The following RAD51B variants were observed in gnomAD, a reference collection of about 807,000 sequenced individuals.
RAD51B encodes DNA repair protein RAD51 homolog 2.
Under a neutral mutation model 42.2 loss-of-function variants are expected in RAD51B, and 38 were observed. The observed-to-expected ratio is 0.90, with a 90% CI of 0.70 to 1.18. The LOEUF (loss-of-function observed/expected upper bound fraction) is 1.18, where lower values mean the gene tolerates loss of function less well. RAD51B is among the 50% of genes most tolerant of loss of function. The probability of loss-of-function intolerance (pLI) is 0.00; values close to 1 mark genes in which losing one functional copy is unlikely to be tolerated. For synonymous variants in RAD51B, 154 were observed against 145.2 expected (o/e 1.06, Z -0.43); for missense variants, 373 against 400.7 (o/e 0.93, Z 0.59).
Position 68,540,361 on chromosome 14 carries a change from T to C in RAD51B, c.1037-54124T>C, listed in dbSNP as rs1005130676. 5 of 1,050,708 alleles carry C rather than the reference T, an allele frequency of 4.8e-6. No homozygotes were observed. In the African/African-American group the frequency reaches 5.0e-5, roughly 10 times the overall value. The allele number at this position is 1,050,708 out of a possible 1,614,324, so 65.1% of individuals were successfully genotyped here. On this transcript the variant is annotated intron_variant, in intron 10 of 10. Transcript: ENST00000487270. ...AGCTACGAATCCTTGACAATTGAGA[T>C]AAGGTCCACTTACATGAACCCTGAA...
chr14:68,213,696 C>G (rs778417992), intron 7 of RAD51B, among the ~76,000 whole-genome samples: 1 of 152,138 alleles, frequency 6.6e-6, no homozygotes, highest in African/African-American at 2.4e-5. Flanking sequence ...AGTAGTTCTT[C>G]TCTAAGAGTC....
At position 67,996,335 on chromosome 14, in the gene RAD51B, G is replaced by T. The variant is rs184442565; in HGVS notation, c.756+109131G>T. ...TATTTGAGACCAGGAGGTCGAGGCT[G>T]CAGTGAGCCAAGATCATGACACTGC... On this transcript the variant is annotated intron_variant, in intron 7 of 10. Transcript: ENST00000471583. Among the ~76,000 whole-genome samples the T allele has an allele frequency of 8.0e-3, 1,217 of 151,712 alleles. 15 individuals carry two copies. The highest frequency in any genetic ancestry group is 0.028 in the African/African-American group (1,143 of 41,190).
intron 7 of RAD51B, among the ~76,000 whole-genome samples, chr14:68,208,606 G>A (rs896580814): frequency 1.3e-5 from 2 of 152,184 alleles, no homozygotes; most frequent in Admixed American, 6.5e-5. Flanking sequence ...AATGTTAGAA[G>A]CTAGAGAGGA....
At chr14:68,288,729 A>G (rs1254893722) in intron 7 of RAD51B, among the ~76,000 whole-genome samples, 1 of 152,224 alleles carries the variant, frequency 6.6e-6, no homozygotes, top group Admixed American at 6.5e-5. Flanking sequence ...GATTTCCCCC[A>G]TGTATATGGT....
intron 6 of RAD51B, chr14:67,886,794 T>G: frequency 3.0e-6 from 1 of 336,502 alleles, no homozygotes; most frequent in Non-Finnish European, 5.3e-6. Flanking sequence ...AGCGTTAACA[T>G]TATCTTAGGA....
intron 10 of RAD51B, among the ~76,000 whole-genome samples, chr14:68,556,089 G>C (rs549938709): frequency 5.9e-5 from 9 of 152,342 alleles, no homozygotes; most frequent in Middle Eastern, 3.4e-3. Flanking sequence ...TTCTTCTTAA[G>C]AATACTTTTT....
At chr14:68,515,925 A>G (rs1594933828) in intron 10 of RAD51B, among the ~76,000 whole-genome samples, 1 of 151,812 alleles carries the variant, frequency 6.6e-6, no homozygotes, top group South Asian at 2.1e-4. Flanking sequence ...AGCTGGGACC[A>G]CAGGCACCCA....
intron 10 of RAD51B, among the ~76,000 whole-genome samples, chr14:68,587,903 G>A (rs1209882089): frequency 6.6e-6 from 1 of 152,236 alleles, no homozygotes; most frequent in Non-Finnish European, 1.5e-5. Flanking sequence ...CCAGATGGCA[G>A]ACATGGTGCA....
At chr14:68,648,540 G>A (rs916691496) in intron 10 of RAD51B, among the ~76,000 whole-genome samples, 7 of 151,270 alleles carry the variant, frequency 4.6e-5, no homozygotes, top group Admixed American at 4.6e-4. Context: ...TTCTGCCTGG[G>A]GCACATACAG....
chr14:67,908,949 T>C (rs2043873337), intron 7 of RAD51B: 5 of 152,218 alleles, frequency 3.3e-5, no homozygotes, highest in Admixed American at 3.3e-4. Context: ...TCTGAGACAC[T>C]GTTTACTTTT....
chr14:68,280,048 C>A (rs1167417294), intron 7 of RAD51B, among the ~76,000 whole-genome samples: 1 of 152,188 alleles, frequency 6.6e-6, no homozygotes, highest in Non-Finnish European at 1.5e-5. Flanking sequence ...CACATTTCAG[C>A]AGAAGTGAAA....
Position 68,548,699 on chromosome 14 carries a change from G to A in RAD51B, c.1037-45786G>A, listed in dbSNP as rs17105833. On this transcript the variant is annotated intron_variant, in intron 10 of 10. Coordinates refer to the RAD51B transcript ENST00000487270. ...ACAGAGCATCACATGCAAGGAGGCC[G>A]GAAGTGTAGTCAGTGATGCGCAGGG... is the stretch of plus-strand genomic sequence containing the variant. 3.6e-3 allele frequency among the ~76,000 whole-genome samples: 553 copies of A among 152,322 alleles called. 7 individuals carry two copies. The highest frequency in any genetic ancestry group is 0.012 in the African/African-American group (518 of 41,568).
intron 11 of RAD51B, among the ~76,000 whole-genome samples, chr14:68,656,162 C>G (rs764421621): frequency 6.6e-5 from 10 of 152,244 alleles, no homozygotes; most frequent in Non-Finnish European, 1.0e-4. Flanking sequence ...CTGGGCAAAA[C>G]CAGATTTGAG....
chr14:68,304,329 A>T (rs1055989652), intron 8 of RAD51B, among the ~76,000 whole-genome samples: 17 of 152,240 alleles, frequency 1.1e-4, no homozygotes, highest in Non-Finnish European at 4.4e-5. Flanking sequence ...CTCAATTTAG[A>T]AACAAAGAAA....
intron 10 of RAD51B, among the ~76,000 whole-genome samples, chr14:68,619,212 C>T (rs866268278): frequency 2.6e-5 from 4 of 152,144 alleles, no homozygotes; most frequent in East Asian, 1.9e-4. Context: ...TGGTGGCTCA[C>T]GCCTGTAATC....
chr14:68,087,937 ATT>A lies in RAD51B; in HGVS notation c.756+200735_756+200736del, dbSNP rs1488687833. On this transcript the variant is annotated intron_variant, in intron 7 of 10. Coordinates refer to ENST00000471583, the MANE Select transcript of RAD51B (RefSeq NM_133510.4). ...ATAATATATTATATATAATTATATA[ATT>A]TATTATTATATATAATTATATAATT... Among the ~76,000 whole-genome samples, 401 of 83,574 alleles carry A rather than the reference ATT, an allele frequency of 4.8e-3. 6 individuals carry two copies. The highest frequency in any genetic ancestry group is 0.026 in the African/African-American group (387 of 15,142). The allele number at this position is 83,574 out of a possible 152,430, so 54.8% of individuals were successfully genotyped here.
intron 10 of RAD51B, among the ~76,000 whole-genome samples, chr14:68,610,338 TC>T (rs1324814759): frequency 1.3e-5 from 2 of 152,196 alleles, no homozygotes; most frequent in African/African-American, 4.8e-5. Flanking sequence ...CTATCTGAAT[TC>T]AAACCCTTTC....
At chr14:68,433,534 C>G (rs1451793921) in intron 9 of RAD51B, among the ~76,000 whole-genome samples, 2 of 152,134 alleles carry the variant, frequency 1.3e-5, no homozygotes, top group African/African-American at 4.8e-5. Context: ...TCCAGTTGAT[C>G]GACTCGGCTC....
At chr14:68,199,343 T>G (rs1253336789) in intron 7 of RAD51B, among the ~76,000 whole-genome samples, 1 of 152,226 alleles carries the variant, frequency 6.6e-6, no homozygotes, top group Non-Finnish European at 1.5e-5. Context: ...GCTCATGTAA[T>G]GTTCACTGTC....
Sources: allele counts gnomAD v4.1 joint callset (sites outside exome capture counted in the v4.1 genomes callset), GRCh38; gene constraint gnomAD v4.1.1; transcripts MANE v1.5; gene names NCBI Gene and HGNC (gene_info 2026-07-23, HGNC 2026-07-21).